NAGPA: variants seen among roughly 807,000 people sequenced by gnomAD.
NAGPA encodes N-acetylglucosamine-1-phosphodiester alpha-N-acetylglucosaminidase, also known as alpha-N-acetylglucosaminyl phosphodiesterase.
A neutral mutation model predicts 48.5 loss-of-function variants in NAGPA; 56 were observed. That is an observed-to-expected ratio of 1.15 (90% CI 0.93 to 1.44). The LOEUF is 1.44. Ranked by LOEUF, NAGPA falls within the 40% of genes most tolerant of loss-of-function variation. The pLI, the probability that NAGPA is intolerant of heterozygous loss-of-function variation, is 0.00. For missense variants in NAGPA, 888 were observed against 735.0 expected, an observed-to-expected ratio of 1.21 and a Z score of -2.41; for synonymous variants, 399 against 315.5, an observed-to-expected ratio of 1.26 and a Z score of -2.81.
Position 5,033,535 on chromosome 16 carries a change from G to A in NAGPA, c.280C>T (p.Leu94=), listed in dbSNP as rs1174699086. ...HFRDRAVAGH[L]TRAVEPLRTF... ...CGCAGGGGCTCAACGGCCCGCGTCA[G>A]GTGGCCGGCCACCGCGCGGTCCCTG... Residue 94 remains leucine, a synonymous_variant, in exon 2 of 10, where the codon CTG becomes TTG. Coordinates refer to ENST00000312251, the MANE Select transcript of NAGPA (RefSeq NM_016256.4). The surrounding 1 kb of genome is among the most constrained non-coding windows in gnomAD (Gnocchi z 4.2). 2.0e-6 allele frequency: 3 copies of A among 1,509,628 alleles called. No individual in the cohort carries two copies. The highest frequency in any genetic ancestry group is 2.6e-6 in the Non-Finnish European group (3 of 1,138,966). 93.5% of individuals were successfully genotyped at this position (1,509,628 alleles called of 1,614,324 possible). A position where few individuals can be genotyped will look rare whatever the true frequency, so the allele number is the denominator to read the frequency against.
At position 5,027,861 on chromosome 16, in the gene NAGPA, A is replaced by C; in HGVS notation, c.1159T>G (p.Ser387Ala). 6.4e-7 allele frequency: 1 copy of C among 1,567,082 alleles called. No homozygotes were observed. The highest frequency in any genetic ancestry group is 8.7e-7 in the Non-Finnish European group (1 of 1,155,984). Residue 387 changes from serine to alanine, a missense_variant, in exon 7 of 10, where the codon TCC (serine) becomes GCC (alanine). Coordinates refer to ENST00000312251, the MANE Select transcript of NAGPA (RefSeq NM_016256.4). ...CAGCTCCTACCTTCACTGCAGTTGGACCCGGTCCATCCGGCATCACAGCGG... is the reference window on the plus strand; with the variant it reads ...CAGCTCCTACCTTCACTGCAGTTGGCCCCGGTCCATCCGGCATCACAGCGG... ...GCRCDAGWTG[S>A]NCSEECPLGW...
chr16:5,027,451 G>T, intron 7 of NAGPA, 72 bp from the exon 8 acceptor site: 1 of 1,478,054 alleles, frequency 6.8e-7, no homozygotes, highest in South Asian at 1.1e-5. Context: ...AGCCTTTCTC[G>T]ACAGGACAGG....
intron 4 of NAGPA, 152 bp from the exon 5 acceptor site, chr16:5,029,160 G>C: frequency 7.6e-7 from 1 of 1,319,436 alleles, no homozygotes; most frequent in Non-Finnish European, 1.1e-6. Context: ...CTAGCCCCCG[G>C]AAGCTGTGAA....
At position 5,027,115 on chromosome 16, in the gene NAGPA, G is replaced by C. The variant is rs377337484; in HGVS notation, c.1340+20C>G. The stretch of plus-strand genomic sequence containing the variant: ...GGGGATTCCTCCCGCCCTGGCCCCA[G>C]CTCCCACAGAAGCACCTACCTGGTG... On this transcript the variant is annotated intron_variant, in intron 9 of 9. Transcript: ENST00000312251. 9 of 1,613,780 alleles carry C rather than the reference G, an allele frequency of 5.6e-6. No individual in the cohort carries two copies. The highest frequency in any genetic ancestry group is 7.6e-6 in the Non-Finnish European group (9 of 1,179,958).
chr16:5,027,779 C>T, intron 7 of NAGPA, 67 bp downstream of exon 7: 1 of 1,543,070 alleles, frequency 6.5e-7, no homozygotes, highest in South Asian at 1.2e-5. Context: ...ACAGAAGCAG[C>T]AGAGGAGCAG....
Position 5,031,869 on chromosome 16 carries a change from C to T in NAGPA, c.558G>A (p.Glu186=). ...ATGGGTTCTCAGTGTCCAGCACCTC[C>T]TCCTCAGACAGGTACCTGGATCCGG... ...GTLVTGYLSE[E]EVLDTENPFV... Residue 186 remains glutamate (E), a synonymous_variant, in exon 3 of 10, where the codon GAG becomes GAA. Transcript: ENST00000312251. 6.2e-7 allele frequency: 1 copy of T among 1,614,180 alleles called. No individual in the cohort carries two copies. The highest frequency in any genetic ancestry group is 1.1e-5 in the South Asian group (1 of 91,086).
At chr16:5,030,719 C>G (rs893729961) in intron 3 of NAGPA, 5 of 598,500 alleles carry the variant, frequency 8.4e-6, no homozygotes, top group Middle Eastern at 8.2e-4. Flanking sequence ...GGTGAAGACC[C>G]TCTAATGGTT....
At chr16:5,032,230 T>C (rs1001170) in intron 2 of NAGPA, among the ~76,000 whole-genome samples, 9 of 152,012 alleles carry the variant, frequency 5.9e-5, no homozygotes. Context: ...GTTACGGCCC[T>C]TCATTGGCTT....
In NAGPA at chr16:5,030,397, G is replaced by A. The variant is rs1009738117; in HGVS notation, c.779C>T (p.Thr260Met). Residue 260 changes from threonine (T) to methionine (M), a missense_variant, in exon 4 of 10, where the codon ACG becomes ATG. By Grantham distance (81) the Thr-to-Met change is moderately conservative. Transcript: ENST00000312251. ...QLVLFHADGQTEQRGINLWEM... is the reference protein window; with the variant it reads ...QLVLFHADGQMEQRGINLWEM... ...TCCCAGGACTCACCCACGCTGCTCC[G>A]TTTGGCCGTCTGCATGAAAGAGCAC... 9 of 1,551,742 alleles carry A rather than the reference G, an allele frequency of 5.8e-6. No individual in the cohort carries two copies. Among genetic ancestry groups the A allele is most frequent in the Non-Finnish European group, 7.0e-6 (8 of 1,147,162 alleles).
rs201325687 is a variant in NAGPA, at chr16:5,028,159, C to T, written c.947G>A (p.Arg316His). Residue 316 changes from arginine (R) to histidine (H), a missense_variant, in exon 6 of 10, where the codon CGC becomes CAC. Coordinates refer to ENST00000312251, the MANE Select transcript of NAGPA (RefSeq NM_016256.4). ...CACACACACCACGGTGGACACTTGG[C>T]GGGGACAGCGCCACATGTTGTCCTG... Reference protein sequence around the residue: ...HCQDNMWRCPRQVSTVVCVHE... With the variant: ...HCQDNMWRCPHQVSTVVCVHE... The T allele has an allele frequency of 5.6e-5, 88 of 1,574,070 alleles. No homozygotes were observed. The highest frequency in any genetic ancestry group is 5.4e-4 in the African/African-American group (40 of 73,986).
chr16:5,033,814 G>C lies in NAGPA; in HGVS notation c.86+15C>G, dbSNP rs1231080316. ...GGACCCCCCGAACCAGGCTGGCCCAGGGAGCTGCACTCACCCCGAGTCGAG... is the reference window on the plus strand; with the variant it reads ...GGACCCCCCGAACCAGGCTGGCCCACGGAGCTGCACTCACCCCGAGTCGAG... On this transcript the variant is annotated intron_variant, in intron 1 of 9. Transcript: ENST00000312251. The surrounding 1 kb of genome is among the most constrained non-coding windows in gnomAD (Gnocchi z 4.2). 2 of 1,556,336 alleles carry C rather than the reference G, an allele frequency of 1.3e-6. No individual in the cohort carries two copies. Among genetic ancestry groups the C allele is most frequent in the Non-Finnish European group, 1.7e-6 (2 of 1,150,902 alleles).
rs775848769 is a variant in NAGPA at position 5,033,777 on chromosome 16, G to A, written c.87-49C>T. 2 of 1,578,680 alleles carry A rather than the reference G, an allele frequency of 1.3e-6. No individual in the cohort carries two copies. Among genetic ancestry groups the A allele is most frequent in the Non-Finnish European group, 1.7e-6 (2 of 1,163,322 alleles). On this transcript the variant is annotated intron_variant, in intron 1 of 9. Transcript: ENST00000312251. The surrounding 1 kb of genome is among the most constrained non-coding windows in gnomAD (Gnocchi z 4.2). ...CTCAGGGGGCTGTCCTCGTGAGCTC[G>A]GAGGACAGGGGGGACCCCCCGAACC...
rs772564903 is a variant in NAGPA, at chr16:5,031,811, T to C, written c.616A>G (p.Ile206Val). Residue 206 changes from isoleucine to valine, a missense_variant, in exon 3 of 10, where the codon ATT (isoleucine) becomes GTT (valine). Physicochemically the swap from Ile to Val is conservative, Grantham distance 29. Coordinates refer to ENST00000312251, the MANE Select transcript of NAGPA (RefSeq NM_016256.4). Reference protein sequence around the residue: ...VQLLSGVVWLIRNGSIYINES... With the variant: ...VQLLSGVVWLVRNGSIYINES... The stretch of plus-strand genomic sequence containing the variant: ...TTGATGTAGATGCTTCCATTACGAA[T>C]CAGCCACACGACCCCACTCAGCAGC... 6.2e-7 allele frequency: 1 copy of C among 1,614,156 alleles called. No individual in the cohort carries two copies. Among genetic ancestry groups the C allele is most frequent in the Non-Finnish European group, 8.5e-7 (1 of 1,180,030 alleles).
chr16:5,033,476 G>A lies in NAGPA; in HGVS notation c.339C>T (p.Gly113=), dbSNP rs770707388. ...TFSVLEPGGP[G]GCAARRRATV... is the part of the protein sequence containing the mutation. ...TGGCGCGTCGTCTCGCCGCGCAGCC[G>A]CCGGGTCCACCGGGCTCCAGCACCG... Residue 113 remains glycine (G), a synonymous_variant, in exon 2 of 10, where the codon GGC becomes GGT. Coordinates refer to ENST00000312251, the MANE Select transcript of NAGPA (RefSeq NM_016256.4). This position sits in a 1 kb window ranked among gnomAD's most constrained non-coding sequence, Gnocchi z 4.2. The A allele has an allele frequency of 2.5e-6, 4 of 1,575,172 alleles. No homozygotes were observed. The African/African-American group carries it at 5.4e-5, about 21-fold the overall frequency.
In NAGPA at chr16:5,030,380, C is replaced by A; in HGVS notation, c.791+5G>T. On this transcript the variant is annotated splice_donor_5th_base_variant and intron_variant, in intron 4 of 9. Transcript: ENST00000312251. ...GGCCGGGGGGCCTCAGCTCCCAGGA[C>A]TCACCCACGCTGCTCCGTTTGGCCG... The A allele has an allele frequency of 6.4e-7, 1 of 1,550,572 alleles. No homozygotes were observed. Among genetic ancestry groups the A allele is most frequent in the Non-Finnish European group, 8.7e-7 (1 of 1,146,868 alleles).
intron 7 of NAGPA, among the ~76,000 whole-genome samples, chr16:5,027,639 G>A (rs544317964): frequency 2.6e-5 from 4 of 152,300 alleles, no homozygotes; most frequent in South Asian, 4.2e-4. Context: ...GCCAGAGCCC[G>A]GGGACCCTTG....
Position 5,025,215 on chromosome 16 carries a change from C to G in NAGPA, c.*263G>C. ...CAGTGCGGCAGCCCTCCCGGGGGCA[C>G]GGGCTTCTCGGCAGCAGACACAGGC... is the stretch of plus-strand genomic sequence containing the variant. On this transcript the variant is annotated 3_prime_UTR_variant, in exon 10 of 10. Coordinates refer to ENST00000312251, the MANE Select transcript of NAGPA (RefSeq NM_016256.4). 2 of 542,312 alleles carry G rather than the reference C, an allele frequency of 3.7e-6. No homozygotes were observed. Among genetic ancestry groups the G allele is most frequent in the Non-Finnish European group, 6.7e-6 (2 of 300,602 alleles). 33.6% of individuals were successfully genotyped at this position (542,312 alleles called of 1,614,324 possible).
chr16:5,028,263 C>T, intron 5 of NAGPA, 78 bp from the exon 6 acceptor site: 1 of 1,547,884 alleles, frequency 6.5e-7, no homozygotes, highest in Non-Finnish European at 8.7e-7. Context: ...CCCCAACCAC[C>T]CCTCTCTCCA....
Position 5,025,633 on chromosome 16 carries a change from T to G in NAGPA, c.1393A>C (p.Thr465Pro). 2 of 1,613,772 alleles carry G rather than the reference T, an allele frequency of 1.2e-6. No homozygotes were observed. Among genetic ancestry groups the G allele is most frequent in the Middle Eastern group, 1.7e-4 (1 of 5,880 alleles). The change falls in exon 10 of 10, where the codon ACT (threonine) becomes CCT (proline). Residue 465 changes from threonine to proline, a missense_variant. Thr to Pro is a conservative substitution (Grantham distance 38). Coordinates refer to ENST00000312251, the MANE Select transcript of NAGPA (RefSeq NM_016256.4). The part of the protein sequence containing the change: ...LALAFLLLIS[T>P]AANLSLLLSR... Reference sequence around the variant, plus strand: ...AGGAGCAAGGACAGGTTTGCTGCAGTGCTGATCAGCAGGAGGAAGGCCAGC... The same window carrying G: ...AGGAGCAAGGACAGGTTTGCTGCAGGGCTGATCAGCAGGAGGAAGGCCAGC...
Sources: allele counts gnomAD v4.1 joint callset (sites outside exome capture counted in the v4.1 genomes callset), GRCh38; gene constraint gnomAD v4.1.1; non-coding constraint Gnocchi (gnomAD v3.1); transcripts MANE v1.5; gene names NCBI Gene and HGNC (gene_info 2026-07-23, HGNC 2026-07-21).